The following GRIP1 variants were observed in gnomAD, a reference collection of about 807,000 sequenced individuals.
GRIP1 encodes the protein glutamate receptor interacting protein 1.
A neutral mutation model predicts 129.9 loss-of-function variants in GRIP1; 45 were observed. The ratio of observed to expected loss-of-function variants is 0.35; its 90% confidence interval spans 0.27 to 0.44. GRIP1 has a LOEUF of 0.44. Among genes scored for constraint, GRIP1 ranks in the 20% least tolerant of loss-of-function variants. The probability of loss-of-function intolerance (pLI) is 1.00; values close to 1 mark genes in which losing one functional copy is unlikely to be tolerated. For synonymous variants in GRIP1, 530 were observed against 520.8 expected (o/e 1.02, Z -0.24); for missense variants, 1,196 against 1,396.8 (o/e 0.86, Z 2.29).
At chr12:67,040,261 G>T (rs1187235379) in intron 1 of GRIP1, among the ~76,000 whole-genome samples, 1 of 151,614 alleles carries the variant, frequency 6.6e-6, no homozygotes, top group African/African-American at 2.4e-5. Flanking sequence ...GGCATCGTGT[G>T]GGCAGGTCCT....
chr12:66,889,321 C>G (rs945661378), intron 1 of GRIP1, among the ~76,000 whole-genome samples: 2 of 151,996 alleles, frequency 1.3e-5, no homozygotes, highest in African/African-American at 4.8e-5. Flanking sequence ...ATTAGCCAGG[C>G]GTGGTGGCAG....
At chr12:66,815,854 T>TTCTTTCTTTCTCTCTCTC (rs1555241802) in intron 1 of GRIP1, among the ~76,000 whole-genome samples, 32 of 116,830 alleles carry the variant, frequency 2.7e-4, no homozygotes, top group Middle Eastern at 4.1e-3. Flanking sequence ...CTTTCTTTCT[T>TTCTTTCTTTCTCTCTCTC]TCTCTCTCTC....
At chr12:66,658,429 C>T (rs190544701) in intron 1 of GRIP1, among the ~76,000 whole-genome samples, 1 of 152,164 alleles carries the variant, frequency 6.6e-6, no homozygotes, top group Non-Finnish European at 1.5e-5. Context: ...CTTTTGGGGG[C>T]ATGACTGCAT....
At chr12:66,722,162 C>A (rs1376143395) in intron 1 of GRIP1, among the ~76,000 whole-genome samples, 1 of 152,118 alleles carries the variant, frequency 6.6e-6, no homozygotes, top group Non-Finnish European at 1.5e-5. Context: ...AACTATTTGG[C>A]GAAAGAGACC....
At chr12:66,773,564 G>A (rs1041832607) in intron 1 of GRIP1, among the ~76,000 whole-genome samples, 11 of 152,260 alleles carry the variant, frequency 7.2e-5, no homozygotes, top group Admixed American at 1.3e-4. Flanking sequence ...TCAGGGGGTC[G>A]GGGGCTAGGG....
chr12:66,403,558 T>C (rs2057083658), intron 16 of GRIP1, among the ~76,000 whole-genome samples: 1 of 152,198 alleles, frequency 6.6e-6, no homozygotes, highest in Non-Finnish European at 1.5e-5. Context: ...TATAAAACCA[T>C]GTCTGAATGA....
intron 1 of GRIP1, among the ~76,000 whole-genome samples, chr12:66,764,335 G>C (rs1231234846): frequency 6.6e-6 from 1 of 152,192 alleles, no homozygotes; most frequent in Non-Finnish European, 1.5e-5. Context: ...GTCTTAATGT[G>C]GTTTAGCTAC....
chr12:66,912,991 C>A (rs148344405), intron 1 of GRIP1, among the ~76,000 whole-genome samples: 84 of 152,228 alleles, frequency 5.5e-4, no homozygotes, highest in Middle Eastern at 6.8e-3. Flanking sequence ...AAATACCAAA[C>A]ATGAATGTGC....
intron 1 of GRIP1, among the ~76,000 whole-genome samples, chr12:66,643,786 A>C (rs1421511269): frequency 6.6e-6 from 1 of 150,788 alleles, no homozygotes; most frequent in Non-Finnish European, 1.5e-5. Context: ...CTGGTCTTGA[A>C]CTCCTGGGCT....
intron 1 of GRIP1, among the ~76,000 whole-genome samples, chr12:67,030,708 G>A (rs1270993085): frequency 6.6e-6 from 1 of 152,170 alleles, no homozygotes; most frequent in African/African-American, 2.4e-5. Flanking sequence ...GTGCTAGGGT[G>A]AGTTTATTTC....
At chr12:66,551,571 CTT>C (rs10719369) in intron 2 of GRIP1, among the ~76,000 whole-genome samples, 2,059 of 114,370 alleles carry the variant, frequency 0.018, 36 homozygotes, top group African/African-American at 0.064. Context: ...GGCTAGAATC[CTT>C]TTTTTTTTTT....
chr12:66,663,091 A>G (rs1164228849), intron 1 of GRIP1, among the ~76,000 whole-genome samples: 1 of 152,180 alleles, frequency 6.6e-6, no homozygotes, highest in Non-Finnish European at 1.5e-5. Context: ...CAGCAACTTG[A>G]TAATGTTCTG....
At chr12:66,774,406 C>G (rs1473050733) in intron 1 of GRIP1, among the ~76,000 whole-genome samples, 1 of 152,124 alleles carries the variant, frequency 6.6e-6, no homozygotes, top group Non-Finnish European at 1.5e-5. Context: ...TGTGACACAA[C>G]TGAATTAATG....
intron 7 of GRIP1, among the ~76,000 whole-genome samples, chr12:66,484,358 A>C (rs1439552681): frequency 1.3e-5 from 2 of 152,118 alleles, no homozygotes; most frequent in Non-Finnish European, 2.9e-5. Context: ...ATTCTACCTA[A>C]GTTTTTCTGG....
chr12:66,982,789 G>A (rs1024735809), intron 1 of GRIP1, among the ~76,000 whole-genome samples: 1 of 152,148 alleles, frequency 6.6e-6, no homozygotes, highest in African/African-American at 2.4e-5. Context: ...CAGCTAAGCT[G>A]TTACTGGATT....
intron 1 of GRIP1, among the ~76,000 whole-genome samples, chr12:66,603,754 C>G (rs941606700): frequency 1.8e-4 from 27 of 152,274 alleles, no homozygotes; most frequent in African/African-American, 6.5e-4. Context: ...GGAAAGGAAA[C>G]TGTTGTAATG....
chr12:66,534,692 T>TTC (rs890985303), intron 4 of GRIP1, among the ~76,000 whole-genome samples: 5 of 151,312 alleles, frequency 3.3e-5, no homozygotes, highest in East Asian at 1.9e-4. Context: ...CCATTCTTCC[T>TTC]TCTCTCTCTC....
At chr12:66,771,730 GA>G (rs1368922007) in intron 1 of GRIP1, among the ~76,000 whole-genome samples, 1 of 152,132 alleles carries the variant, frequency 6.6e-6, no homozygotes, top group African/African-American at 2.4e-5. Context: ...TGTTGGTTTA[GA>G]AAGAAAGAAA....
intron 1 of GRIP1, among the ~76,000 whole-genome samples, chr12:66,699,624 T>C (rs2035282319): frequency 6.6e-6 from 1 of 152,186 alleles, no homozygotes; most frequent in South Asian, 2.1e-4. Flanking sequence ...ATTAAGCCTC[T>C]TTCAGTCTTG....
Sources: gnomAD v4.1 joint callset for allele counts (sites outside exome capture counted in the v4.1 genomes callset) on GRCh38, gnomAD v4.1.1 for gene constraint, MANE v1.5 for transcripts, NCBI Gene and HGNC (gene_info 2026-07-23, HGNC 2026-07-21) for gene names.